The following SEC31B variants were observed in gnomAD, a reference collection of about 807,000 sequenced individuals.
The protein encoded by SEC31B is protein transport protein Sec31B.
In SEC31B, 113 loss-of-function variants were observed where a neutral mutation model predicts 135.0. That is an observed-to-expected ratio of 0.84 (90% CI 0.72 to 0.98). SEC31B has a LOEUF of 0.98. Ranked by LOEUF, SEC31B falls within the 50% of genes least tolerant of loss-of-function variation. The pLI is 0.00. For synonymous variants in SEC31B, 508 were observed against 549.4 expected, an observed-to-expected ratio of 0.92 and a Z score of 1.05; for missense variants, 1,296 against 1,421.1, an observed-to-expected ratio of 0.91 and a Z score of 1.42.
chr10:100,496,207 T>C, intron 18 of SEC31B, 51 bp downstream of exon 18: 4 of 1,582,094 alleles, frequency 2.5e-6, no homozygotes, highest in South Asian at 2.2e-5. Context: ...GCTCAATCAA[T>C]GTTAGATGAC....
At chr10:100,516,018 G>C in intron 3 of SEC31B, 78 bp downstream of exon 3, 3 of 1,532,318 alleles carry the variant, frequency 2.0e-6, no homozygotes, top group Non-Finnish European at 2.7e-6. Flanking sequence ...CTCCTCATGA[G>C]CCCTAAGAAA....
chr10:100,490,363 A>G, intron 20 of SEC31B, 41 bp from the exon 21 acceptor site: 2 of 1,578,166 alleles, frequency 1.3e-6, no homozygotes, highest in Middle Eastern at 1.7e-4. Flanking sequence ...ACTAAACTTC[A>G]TTTCAGGAGC....
At position 100,497,649 on chromosome 10, in the gene SEC31B, G is replaced by C; in HGVS notation, c.1990+18C>G. 1 of 1,614,134 alleles carries C rather than the reference G, an allele frequency of 6.2e-7. No individual in the cohort carries two copies. The highest frequency in any genetic ancestry group is 1.3e-5 in the African/African-American group (1 of 75,042). On this transcript the variant is annotated intron_variant, in intron 16 of 25. Coordinates refer to ENST00000370345, the MANE Select transcript of SEC31B (RefSeq NM_015490.4). ...TGGAGTCACACCATTTCATCCTGAA[G>C]CCTGGGACCACACTTACCACAGAGC...
intron 3 of SEC31B, among the ~76,000 whole-genome samples, chr10:100,514,889 G>A (rs1296892981): frequency 1.3e-5 from 2 of 150,780 alleles, no homozygotes; most frequent in Non-Finnish European, 2.9e-5. Flanking sequence ...GCTGAGGCAG[G>A]AGAATCCCTT....
At position 100,487,473 on chromosome 10, in the gene SEC31B, A is replaced by T; in HGVS notation, c.*143T>A. On this transcript the variant is annotated 3_prime_UTR_variant, in exon 26 of 26. Transcript: ENST00000370345. The stretch of plus-strand genomic sequence containing the variant: ...AAAAGCAGGCACTCAGCTGGTTTGG[A>T]GCCAAGCCTACAGCATCACATACCT... 1 of 784,264 alleles carries T rather than the reference A, an allele frequency of 1.3e-6. No homozygotes were observed. Among genetic ancestry groups the T allele is most frequent in the Non-Finnish European group, 2.0e-6 (1 of 497,454 alleles). 48.6% of individuals were successfully genotyped at this position (784,264 alleles called of 1,614,324 possible). A position where few individuals can be genotyped will look rare whatever the true frequency, so the allele number is the denominator to read the frequency against.
chr10:100,501,455 A>C (rs1321882179), intron 11 of SEC31B, among the ~76,000 whole-genome samples: 1 of 152,126 alleles, frequency 6.6e-6, no homozygotes. Flanking sequence ...CTCTGGCTTC[A>C]CTGTATAGTC....
intron 13 of SEC31B, 26 bp from the exon 14 acceptor site, chr10:100,498,830 T>A (rs1324255917): frequency 7.8e-6 from 12 of 1,540,674 alleles, no homozygotes; most frequent in Non-Finnish European, 9.9e-6. Flanking sequence ...CAGAGGTGAC[T>A]ACTTAGGGAT....
intron 3 of SEC31B, among the ~76,000 whole-genome samples, chr10:100,514,492 T>C (rs1485514741): frequency 6.6e-6 from 1 of 151,514 alleles, no homozygotes; most frequent in East Asian, 1.9e-4. Flanking sequence ...TATCTAATCA[T>C]CATCAGTAAA....
At chr10:100,519,072 T>C (rs148968852) in intron 1 of SEC31B, among the ~76,000 whole-genome samples, 37 of 152,298 alleles carry the variant, frequency 2.4e-4, no homozygotes, top group African/African-American at 8.9e-4. Context: ...ACTATGATTA[T>C]CCCCATTTTC....
rs747813594 is a variant in SEC31B, at chr10:100,507,500, T to C, written c.707A>G (p.Asp236Gly). ...CCACAGCTGAATCACGGGAAGTCGA[T>C]CATCCTCTGAGCACAGCACTAACTG... Reference protein sequence around the residue: ...ATQLVLCSEDDRLPVIQLWDL... With the variant: ...ATQLVLCSEDGRLPVIQLWDL... The change falls in exon 7 of 26, where the codon GAT becomes GGT. Residue 236 changes from aspartate (D) to glycine (G), a missense_variant. Coordinates refer to ENST00000370345, the MANE Select transcript of SEC31B (RefSeq NM_015490.4). 3 of 1,614,216 alleles carry C rather than the reference T, an allele frequency of 1.9e-6. No individual in the cohort carries two copies. The highest frequency in any genetic ancestry group is 3.3e-5 in the Admixed American group (2 of 60,028).
chr10:100,488,324 A>T (rs747667427), intron 24 of SEC31B, among the ~76,000 whole-genome samples: 4 of 151,922 alleles, frequency 2.6e-5, no homozygotes, highest in African/African-American at 4.8e-5. Context: ...CCGGGTATGG[A>T]GGTGGGCACC....
intron 3 of SEC31B, among the ~76,000 whole-genome samples, chr10:100,513,708 G>T (rs934087771): frequency 7.9e-5 from 12 of 151,764 alleles, no homozygotes; most frequent in African/African-American, 2.9e-4. Context: ...GGCCTCAAGC[G>T]ATCCACCCGT....
Position 100,502,316 on chromosome 10 carries a change from A to G in SEC31B, c.1348T>C (p.Cys450Arg), listed in dbSNP as rs757777749. The G allele has an allele frequency of 1.2e-6, 2 of 1,614,064 alleles. No individual in the cohort carries two copies. Among genetic ancestry groups the G allele is most frequent in the Admixed American group, 1.7e-5 (1 of 60,004 alleles). ...AAAGCTTGCTGGCTCTTGTTCTGAC[A>G]GTAATTCAGTAGATTTCCTGATCCC... ...ALGSGNLLNYCQNKSQQALLQ... is the reference protein window; with the variant it reads ...ALGSGNLLNYRQNKSQQALLQ... Residue 450 changes from cysteine (C) to arginine (R), a missense_variant, in exon 11 of 26, where the codon TGT becomes CGT. Physicochemically the swap from Cys to Arg is radical, Grantham distance 180. Transcript: ENST00000370345.
chr10:100,515,427 T>A (rs141463624), intron 3 of SEC31B, among the ~76,000 whole-genome samples: 1 of 152,316 alleles, frequency 6.6e-6, no homozygotes, highest in East Asian at 1.9e-4. Flanking sequence ...AAGCCTCAAC[T>A]TTACAAGACC....
intron 19 of SEC31B, 64 bp downstream of exon 19, chr10:100,495,321 T>G: frequency 7.0e-7 from 1 of 1,434,866 alleles, no homozygotes; most frequent in Non-Finnish European, 9.7e-7. Context: ...ATATTCCAAG[T>G]GCCCAGAACC....
intron 19 of SEC31B, among the ~76,000 whole-genome samples, chr10:100,493,339 C>G (rs1178288339): frequency 1.3e-5 from 2 of 151,230 alleles, no homozygotes; most frequent in Admixed American, 6.6e-5. Flanking sequence ...CGCCACTGCA[C>G]TCCAGCCTGG....
chr10:100,497,645 T>C, intron 16 of SEC31B, 22 bp downstream of exon 16: 1 of 1,614,138 alleles, frequency 6.2e-7, no homozygotes, highest in Non-Finnish European at 8.5e-7. Context: ...CATTTCATCC[T>C]GAAGCCTGGG....
intron 7 of SEC31B, 44 bp from the exon 8 acceptor site, chr10:100,506,464 A>G: frequency 6.4e-7 from 1 of 1,570,688 alleles, no homozygotes; most frequent in Non-Finnish European, 8.8e-7. Context: ...TTGAATGCCT[A>G]CTATGAGTAG....
chr10:100,508,123 G>T, intron 5 of SEC31B, 72 bp from the exon 6 acceptor site: 1 of 1,573,134 alleles, frequency 6.4e-7, no homozygotes, highest in African/African-American at 1.3e-5. Context: ...CTGTTCCACT[G>T]CTCCCAGCCA....
Sources: gnomAD v4.1 joint callset for allele counts (sites outside exome capture counted in the v4.1 genomes callset) on GRCh38, gnomAD v4.1.1 for gene constraint, MANE v1.5 for transcripts, NCBI Gene and HGNC (gene_info 2026-07-23, HGNC 2026-07-21) for gene names.